The following VAV2 variants were observed in gnomAD, a reference collection of about 807,000 sequenced individuals.
The protein encoded by VAV2 is vav guanine nucleotide exchange factor 2.
In VAV2, 67 loss-of-function variants were observed where a neutral mutation model predicts 132.5. That is an observed-to-expected ratio of 0.51 (90% confidence interval 0.42 to 0.62). The LOEUF (loss-of-function observed/expected upper bound fraction) is 0.62. Among genes scored for constraint, VAV2 ranks in the 20% least tolerant of loss-of-function variants. The probability of loss-of-function intolerance (pLI) is 0.00; values close to 1 mark genes in which losing one functional copy is unlikely to be tolerated. For synonymous variants in VAV2, 492 were observed against 443.5 expected, an observed-to-expected ratio of 1.11 and a Z score of -1.37; for missense variants, 938 against 1,153.6, an observed-to-expected ratio of 0.81 and a Z score of 2.71.
chr9:133,842,110 AATCAGTGCTTGGCTC>A (rs1368078249), intron 3 of VAV2, among the ~76,000 whole-genome samples: 4 of 152,240 alleles, frequency 2.6e-5, no homozygotes, highest in African/African-American at 9.6e-5. Flanking sequence ...AAGGTACAGA[AATCAGTGCTTGGCTC>A]ATCCAGCCAT....
intron 1 of VAV2, among the ~76,000 whole-genome samples, chr9:133,950,555 G>C (rs957780672): frequency 1.4e-4 from 21 of 152,300 alleles, no homozygotes; most frequent in Admixed American, 5.2e-4. Context: ...TTCAAGGTCA[G>C]GGTCAAACCA....
At chr9:133,909,451 GCAAA>G (rs1019794895) in intron 2 of VAV2, among the ~76,000 whole-genome samples, 4 of 152,290 alleles carry the variant, frequency 2.6e-5, no homozygotes, top group Admixed American at 2.6e-4. Flanking sequence ...AACTACTGCA[GCAAA>G]CAAAGCCTGG....
At chr9:133,980,868 A>G (rs1842669917) in intron 1 of VAV2, among the ~76,000 whole-genome samples, 1 of 152,204 alleles carries the variant, frequency 6.6e-6, no homozygotes, top group Admixed American at 6.5e-5. Flanking sequence ...CTGTGGCCAC[A>G]CAGAGCCCTC....
intron 2 of VAV2, among the ~76,000 whole-genome samples, chr9:133,882,341 C>T (rs1838531227): frequency 6.6e-6 from 1 of 152,238 alleles, no homozygotes; most frequent in Non-Finnish European, 1.5e-5. Context: ...GTGCCTGGCC[C>T]GAACATGCTG....
intron 2 of VAV2, among the ~76,000 whole-genome samples, chr9:133,897,492 T>C (rs1008269301): frequency 2.6e-5 from 4 of 152,142 alleles, no homozygotes; most frequent in African/African-American, 4.8e-5. Flanking sequence ...CTGTGTCTCC[T>C]TGAACGAAAC....
intron 1 of VAV2, among the ~76,000 whole-genome samples, chr9:133,963,009 G>T (rs1842014027): frequency 6.6e-6 from 1 of 152,182 alleles, no homozygotes; most frequent in African/African-American, 2.4e-5. Context: ...TCAATAATGT[G>T]ATTGGGTACA....
intron 13 of VAV2, among the ~76,000 whole-genome samples, chr9:133,790,720 C>G (rs1305930197): frequency 6.6e-6 from 1 of 152,028 alleles, no homozygotes; most frequent in Non-Finnish European, 1.5e-5. Context: ...TATCATAATG[C>G]CCTTCAGAAG....
At chr9:133,866,805 C>CA (rs55659710) in intron 2 of VAV2, among the ~76,000 whole-genome samples, 15,655 of 84,954 alleles carry the variant, frequency 0.18, 1,065 homozygotes, top group Middle Eastern at 0.23. Flanking sequence ...GACTCCGTCT[C>CA]AAAAAAAAAA....
chr9:133,773,170 C>G (rs1043176749), intron 25 of VAV2, among the ~76,000 whole-genome samples: 2 of 148,574 alleles, frequency 1.3e-5, no homozygotes, highest in South Asian at 4.3e-4. Context: ...CTAGGCTGGA[C>G]GGCAGAGCCT....
intron 2 of VAV2, among the ~76,000 whole-genome samples, chr9:133,890,239 T>C (rs12340849): frequency 0.036 from 5,536 of 152,090 alleles, 321 homozygotes; most frequent in African/African-American, 0.13. Flanking sequence ...GTCTGGGCAG[T>C]GGTTTCTTCC....
At chr9:133,783,203 G>A (rs913827775) in intron 19 of VAV2, among the ~76,000 whole-genome samples, 2 of 152,212 alleles carry the variant, frequency 1.3e-5, no homozygotes, top group African/African-American at 4.8e-5. Context: ...GTGTTTGGGG[G>A]TGGAGATTCT....
At chr9:133,968,136 C>T (rs888202713) in intron 1 of VAV2, among the ~76,000 whole-genome samples, 6 of 152,026 alleles carry the variant, frequency 3.9e-5, no homozygotes, top group South Asian at 2.1e-4. Flanking sequence ...CTCAGAAGCA[C>T]GGCAGGAGGA....
intron 5 of VAV2, 86 bp downstream of exon 5, chr9:133,812,028 G>A: frequency 7.2e-7 from 1 of 1,394,548 alleles, no homozygotes; most frequent in Admixed American, 1.7e-5. Flanking sequence ...CAGACATGGG[G>A]ACAGCTCGGT....
At chr9:133,818,776 C>G (rs1412820290) in intron 4 of VAV2, among the ~76,000 whole-genome samples, 2 of 152,200 alleles carry the variant, frequency 1.3e-5, no homozygotes, top group Non-Finnish European at 2.9e-5. Context: ...TCTATTGACT[C>G]TTCTTTTCTG....
At chr9:133,812,433 G>C (rs58767007) in intron 4 of VAV2, among the ~76,000 whole-genome samples, 5,820 of 152,318 alleles carry the variant, frequency 0.038, 385 homozygotes, top group African/African-American at 0.13. Flanking sequence ...TGCTCTGCCT[G>C]CTGCCTCCAC....
intron 2 of VAV2, among the ~76,000 whole-genome samples, chr9:133,895,121 G>A (rs916761200): frequency 2.0e-5 from 3 of 152,162 alleles, no homozygotes; most frequent in African/African-American, 7.2e-5. Flanking sequence ...AATGACACCA[G>A]CACAAGGGGC....
intron 2 of VAV2, among the ~76,000 whole-genome samples, chr9:133,929,888 T>C (rs188786921): frequency 1.3e-5 from 2 of 152,302 alleles, no homozygotes; most frequent in Admixed American, 6.5e-5. Flanking sequence ...GGATCAATGG[T>C]TTCCAACTAT....
chr9:133,788,206 C>T lies in VAV2; in HGVS notation c.1407+148G>A. Reference sequence around the variant, plus strand: ...AGGCAGTGACTCAGAGAGGAGCCTTCCTGCAGAGCGGAGACGCCCACCCCA... The same window carrying T: ...AGGCAGTGACTCAGAGAGGAGCCTTTCTGCAGAGCGGAGACGCCCACCCCA... On this transcript the variant is annotated intron_variant, in intron 15 of 29. Transcript: ENST00000371850. This position sits in a 1 kb window ranked among gnomAD's most constrained non-coding sequence, Gnocchi z 5.3. The T allele has an allele frequency of 8.7e-7, 1 of 1,145,556 alleles. No homozygotes were observed. Among genetic ancestry groups the T allele is most frequent in the Non-Finnish European group, 1.2e-6 (1 of 816,004 alleles). 71.0% of individuals were successfully genotyped at this position (1,145,556 alleles called of 1,614,324 possible).
chr9:133,765,067 G>A (rs758175708), intron 29 of VAV2, among the ~76,000 whole-genome samples: 6 of 152,174 alleles, frequency 3.9e-5, no homozygotes, highest in Non-Finnish European at 8.8e-5. Context: ...ATTCCTGGGG[G>A]ACGATGAATA....
Sources: allele counts gnomAD v4.1 joint callset (sites outside exome capture counted in the v4.1 genomes callset), GRCh38; gene constraint gnomAD v4.1.1; non-coding constraint Gnocchi (gnomAD v3.1); transcripts MANE v1.5; gene names NCBI Gene and HGNC (gene_info 2026-07-23, HGNC 2026-07-21).